NXPH1: variants seen among roughly 807,000 people sequenced by gnomAD.
NXPH1 encodes the protein neurexophilin 1.
NXPH1 carries 5 observed loss-of-function variants against 23.7 expected under a neutral mutation model. That is an observed-to-expected ratio of 0.21 (90% confidence interval 0.11 to 0.44). NXPH1 has a LOEUF of 0.44. NXPH1 is among the 20% of genes least tolerant of loss of function. NXPH1 has a pLI of 0.99. For missense variants in NXPH1, 324 were observed against 321.6 expected (o/e 1.01, Z -0.06); for synonymous variants, 144 against 122.2 (o/e 1.18, Z -1.18).
chr7:8,562,413 C>T (rs372649531), intron 2 of NXPH1, among the ~76,000 whole-genome samples: 1 of 151,636 alleles, frequency 6.6e-6, no homozygotes, highest in Admixed American at 6.6e-5. Context: ...TTTGTAAATG[C>T]ATGATTTTTA....
chr7:8,544,510 G>C (rs927724194), intron 2 of NXPH1, among the ~76,000 whole-genome samples: 2 of 151,638 alleles, frequency 1.3e-5, no homozygotes, highest in Non-Finnish European at 3.0e-5. Context: ...CTTGGCATTT[G>C]AAATGATCCC....
chr7:8,511,589 G>T (rs1164821717), intron 2 of NXPH1, among the ~76,000 whole-genome samples: 1 of 152,118 alleles, frequency 6.6e-6, no homozygotes, highest in African/African-American at 2.4e-5. Flanking sequence ...AACAAAAGAA[G>T]AAGCTGCACA....
intron 2 of NXPH1, among the ~76,000 whole-genome samples, chr7:8,600,396 G>T (rs1230551502): frequency 6.6e-6 from 1 of 152,108 alleles, no homozygotes; most frequent in Non-Finnish European, 1.5e-5. Context: ...GGTGGTATTG[G>T]CTTCCTTCTC....
At chr7:8,732,349 G>A (rs921676815) in intron 2 of NXPH1, among the ~76,000 whole-genome samples, 1 of 152,236 alleles carries the variant, frequency 6.6e-6, no homozygotes, top group African/African-American at 2.4e-5. Context: ...TTCCCATTCG[G>A]CCATCTTGGC....
chr7:8,687,262 C>G (rs1821161093), intron 2 of NXPH1, among the ~76,000 whole-genome samples: 1 of 151,990 alleles, frequency 6.6e-6, no homozygotes, highest in South Asian at 2.1e-4. Flanking sequence ...TGGGCACTGC[C>G]TGAGTGAGCT....
intron 2 of NXPH1, among the ~76,000 whole-genome samples, chr7:8,605,847 G>C (rs17152340): frequency 0.33 from 50,371 of 151,886 alleles, 9,646 homozygotes; most frequent in African/African-American, 0.52. Flanking sequence ...ATTTCTATTT[G>C]CAGCTTTGTA....
At chr7:8,722,153 A>C (rs1779980162) in intron 2 of NXPH1, among the ~76,000 whole-genome samples, 1 of 152,170 alleles carries the variant, frequency 6.6e-6, no homozygotes, top group African/African-American at 2.4e-5. Flanking sequence ...GCGAAAAAAA[A>C]AGACTTCCAT....
chr7:8,654,105 C>G (rs567444116), intron 2 of NXPH1, among the ~76,000 whole-genome samples: 48 of 152,168 alleles, frequency 3.2e-4, no homozygotes, highest in Non-Finnish European at 6.3e-4. Flanking sequence ...CTTCCATAAC[C>G]TTCACCTTTT....
intron 2 of NXPH1, among the ~76,000 whole-genome samples, chr7:8,671,420 G>T (rs1820867915): frequency 6.6e-6 from 1 of 152,096 alleles, no homozygotes; most frequent in Non-Finnish European, 1.5e-5. Flanking sequence ...TCATGTATTT[G>T]CCATAAAGAA....
At chr7:8,525,652 C>G (rs890284859) in intron 2 of NXPH1, among the ~76,000 whole-genome samples, 6 of 152,174 alleles carry the variant, frequency 3.9e-5, no homozygotes, top group Non-Finnish European at 7.3e-5. Flanking sequence ...TACCCTGTGT[C>G]CAAGCTCCTC....
chr7:8,685,908 A>G (rs1821139981), intron 2 of NXPH1, among the ~76,000 whole-genome samples: 1 of 152,140 alleles, frequency 6.6e-6, no homozygotes, highest in Admixed American at 6.6e-5. Context: ...ACATTTTAAA[A>G]CAAAGAGTGT....
intron 2 of NXPH1, among the ~76,000 whole-genome samples, chr7:8,450,568 C>G (rs1349481664): frequency 6.6e-6 from 1 of 152,202 alleles, no homozygotes; most frequent in Non-Finnish European, 1.5e-5. Context: ...ATCCAAGACA[C>G]TTTTGCCCCA....
At chr7:8,608,878 CT>C (rs547489198) in intron 2 of NXPH1, among the ~76,000 whole-genome samples, 59 of 152,150 alleles carry the variant, frequency 3.9e-4, no homozygotes, top group African/African-American at 1.3e-3. Flanking sequence ...TTTGATCACA[CT>C]TAAAAATTAC....
At chr7:8,716,859 G>A (rs1419837031) in intron 2 of NXPH1, among the ~76,000 whole-genome samples, 1 of 152,160 alleles carries the variant, frequency 6.6e-6, no homozygotes, top group East Asian at 1.9e-4. Context: ...TCCTCCCACT[G>A]CTGCATGGGG....
intron 2 of NXPH1, among the ~76,000 whole-genome samples, chr7:8,738,556 T>C (rs1427756620): frequency 6.6e-6 from 1 of 152,144 alleles, no homozygotes; most frequent in Non-Finnish European, 1.5e-5. Flanking sequence ...GAGGTGTCTG[T>C]CGACCCCTGC....
chr7:8,626,524 A>T (rs966136561), intron 2 of NXPH1, among the ~76,000 whole-genome samples: 2 of 150,690 alleles, frequency 1.3e-5, no homozygotes, highest in African/African-American at 2.4e-5. Context: ...TTGAATTTTC[A>T]TTTTTTTTCT....
intron 2 of NXPH1, among the ~76,000 whole-genome samples, chr7:8,525,409 A>T (rs2128616454): frequency 6.6e-6 from 1 of 152,318 alleles, no homozygotes; most frequent in African/African-American, 2.4e-5. Context: ...TGACTATATG[A>T]TAGAAAAGAA....
At chr7:8,498,043 C>G (rs1384019005) in intron 2 of NXPH1, among the ~76,000 whole-genome samples, 1 of 152,082 alleles carries the variant, frequency 6.6e-6, no homozygotes, top group Non-Finnish European at 1.5e-5. Flanking sequence ...GTTTCCTCCT[C>G]TGTATGAGAC....
intron 2 of NXPH1, among the ~76,000 whole-genome samples, chr7:8,467,863 T>A (rs1171608070): frequency 6.6e-6 from 1 of 152,180 alleles, no homozygotes; most frequent in Admixed American, 6.5e-5. Flanking sequence ...TCTAGAAAAT[T>A]TATTATCAAG....
Sources: allele counts gnomAD v4.1 joint callset (sites outside exome capture counted in the v4.1 genomes callset), GRCh38; gene constraint gnomAD v4.1.1; transcripts MANE v1.5; gene names NCBI Gene and HGNC (gene_info 2026-07-23, HGNC 2026-07-21).